Variants in MOB1B observed in about 807,000 individuals in gnomAD.
The protein encoded by MOB1B is MOB kinase activator 1B, also known as MOB1 Mps One Binder homolog B.
In MOB1B, 19 loss-of-function variants were observed where a neutral mutation model predicts 24.4. That is an observed-to-expected ratio of 0.78 (90% CI 0.54 to 1.14). The LOEUF is 1.14. Ranked by LOEUF, MOB1B falls within the 50% of genes most tolerant of loss-of-function variation. The pLI is 0.00. For synonymous variants in MOB1B, 76 were observed against 82.1 expected (o/e 0.93, Z 0.40); for missense variants, 243 against 259.6 (o/e 0.94, Z 0.44).
At chr4:70,911,699 C>T (rs1311594118) in intron 1 of MOB1B, among the ~76,000 whole-genome samples, 4 of 151,990 alleles carry the variant, frequency 2.6e-5, no homozygotes, top group African/African-American at 9.7e-5. Context: ...TATGAAAGCA[C>T]GTGTCTAATA....
intron 1 of MOB1B, among the ~76,000 whole-genome samples, chr4:70,920,390 A>G (rs1000895842): frequency 5.9e-5 from 9 of 151,988 alleles, no homozygotes; most frequent in African/African-American, 2.2e-4. Flanking sequence ...ATGCCTGGCT[A>G]ATTTTTGTAT....
chr4:70,951,280 C>G (rs1348103389), intron 1 of MOB1B, among the ~76,000 whole-genome samples: 1 of 152,122 alleles, frequency 6.6e-6, no homozygotes, highest in Non-Finnish European at 1.5e-5. Context: ...AAGTTGTCTT[C>G]CGTGAAACTG....
At chr4:70,967,346 C>T (rs1382133497) in intron 2 of MOB1B, among the ~76,000 whole-genome samples, 2 of 152,162 alleles carry the variant, frequency 1.3e-5, no homozygotes. Context: ...ATTGTTCAGG[C>T]TGGTCTCCAA....
chr4:70,975,540 T>C (rs1294929872), intron 4 of MOB1B: 3 of 1,118,726 alleles, frequency 2.7e-6, no homozygotes, highest in South Asian at 4.0e-5. Context: ...GCTGAAAGTA[T>C]AGGTTTATTA....
At position 70,986,072 on chromosome 4, in the gene MOB1B, C is replaced by A. The variant is rs977617831; in HGVS notation, c.*4015C>A. 8 of 152,160 alleles carry A rather than the reference C, an allele frequency of 5.3e-5. No individual in the cohort carries two copies. The highest frequency in any genetic ancestry group is 1.9e-4 in the African/African-American group (8 of 41,436). The allele number at this position is 152,160 out of a possible 1,614,324, so 9.4% of individuals were successfully genotyped here. ...CAGCTTAATTACCTTACCTTAATTA[C>A]CTTAGTTAGATATACTAATGGAAAA... On this transcript the variant is annotated 3_prime_UTR_variant, in exon 6 of 6. Transcript: ENST00000309395.
intron 1 of MOB1B, among the ~76,000 whole-genome samples, chr4:70,907,029 C>T (rs903663513): frequency 6.6e-6 from 1 of 152,148 alleles, no homozygotes; most frequent in Non-Finnish European, 1.5e-5. Context: ...AACAAGAGCT[C>T]TCTAAGAAGA....
chr4:70,940,342 A>G (rs1232059602), intron 1 of MOB1B, among the ~76,000 whole-genome samples: 2 of 151,624 alleles, frequency 1.3e-5, no homozygotes, highest in Non-Finnish European at 2.9e-5. Flanking sequence ...TCCCTTCTAT[A>G]CCACTAGGAG....
At chr4:70,911,857 C>T (rs148202348) in intron 1 of MOB1B, among the ~76,000 whole-genome samples, 169 of 151,466 alleles carry the variant, frequency 1.1e-3, no homozygotes, top group African/African-American at 4.0e-3. Context: ...TTTCTTCCTA[C>T]GTTTCCATTT....
At chr4:70,934,061 A>G (rs137981991) in intron 1 of MOB1B, among the ~76,000 whole-genome samples, 1 of 151,998 alleles carries the variant, frequency 6.6e-6, no homozygotes, top group Admixed American at 6.6e-5. Flanking sequence ...CCACATACAT[A>G]CTTCTCATTC....
intron 3 of MOB1B, among the ~76,000 whole-genome samples, chr4:70,973,529 C>G (rs191853946): frequency 3.3e-5 from 5 of 150,356 alleles, no homozygotes; most frequent in African/African-American, 4.9e-5. Flanking sequence ...TTCACGGTCT[C>G]TAGCTCCTAA....
chr4:70,979,348 T>C, intron 5 of MOB1B, 57 bp downstream of exon 5: 1 of 1,347,078 alleles, frequency 7.4e-7, no homozygotes, highest in Non-Finnish European at 1.0e-6. Flanking sequence ...TTCATAGTTC[T>C]AAGGTAAATA....
chr4:70,963,767 T>TTG (rs1738396175), intron 2 of MOB1B, among the ~76,000 whole-genome samples: 1 of 151,608 alleles, frequency 6.6e-6, no homozygotes. Context: ...CTGCAGTGAG[T>TTG]TGTGATTGCA....
intron 1 of MOB1B, among the ~76,000 whole-genome samples, chr4:70,906,739 CTG>C (rs977904432): frequency 6.6e-6 from 1 of 152,162 alleles, no homozygotes; most frequent in Non-Finnish European, 1.5e-5. Context: ...AGTTTGGCCT[CTG>C]TGTATCTTCA....
intron 1 of MOB1B, among the ~76,000 whole-genome samples, chr4:70,954,376 A>G (rs1281210484): frequency 6.6e-6 from 1 of 152,204 alleles, no homozygotes; most frequent in Admixed American, 6.5e-5. Context: ...AAGCTAAGTA[A>G]TTTGCCTGAG....
At chr4:70,951,037 T>C (rs1737782039) in intron 1 of MOB1B, among the ~76,000 whole-genome samples, 1 of 152,224 alleles carries the variant, frequency 6.6e-6, no homozygotes, top group African/African-American at 2.4e-5. Flanking sequence ...ATACATGATT[T>C]GTAACACAAA....
chr4:70,937,631 T>G (rs1197568295), intron 1 of MOB1B, among the ~76,000 whole-genome samples: 1 of 151,668 alleles, frequency 6.6e-6, no homozygotes, highest in Non-Finnish European at 1.5e-5. Context: ...CATGTCTCAG[T>G]CTCCCAAGTA....
intron 1 of MOB1B, among the ~76,000 whole-genome samples, chr4:70,946,081 GTT>G (rs1737566880): frequency 1.2e-5 from 1 of 85,186 alleles, no homozygotes; most frequent in Non-Finnish European, 2.4e-5. Context: ...GTTTTTGTTT[GTT>G]CTTTTTTTTT....
At chr4:70,916,893 A>C (rs923118510) in intron 1 of MOB1B, among the ~76,000 whole-genome samples, 1 of 152,140 alleles carries the variant, frequency 6.6e-6, no homozygotes, top group Non-Finnish European at 1.5e-5. Flanking sequence ...TATAATCTTC[A>C]TTGGATGTAT....
chr4:70,914,695 C>T (rs1727572649), intron 1 of MOB1B, among the ~76,000 whole-genome samples: 1 of 152,210 alleles, frequency 6.6e-6, no homozygotes, highest in South Asian at 2.1e-4. Context: ...CTTCTCCTTT[C>T]CTATGTTTTT....
Sources: gnomAD v4.1 joint callset for allele counts (sites outside exome capture counted in the v4.1 genomes callset) on GRCh38, gnomAD v4.1.1 for gene constraint, MANE v1.5 for transcripts, NCBI Gene and HGNC (gene_info 2026-07-23, HGNC 2026-07-21) for gene names.